The following NDFIP1 variants were observed in gnomAD, a reference collection of about 807,000 sequenced individuals.
NDFIP1 encodes the protein Nedd4 family interacting protein 1, also known as NEDD4 family-interacting protein 1.
Under a neutral mutation model 28.8 loss-of-function variants are expected in NDFIP1, and 7 were observed. That is an observed-to-expected ratio of 0.24 (90% CI 0.14 to 0.46). The LOEUF (loss-of-function observed/expected upper bound fraction) is 0.46, where lower values mean the gene tolerates loss of function less well. Among genes scored for constraint, NDFIP1 ranks in the 20% least tolerant of loss-of-function variants. The pLI is 0.99. For missense variants in NDFIP1, 194 were observed against 269.1 expected (o/e 0.72, Z 1.95); for synonymous variants, 92 against 101.0 (o/e 0.91, Z 0.53).
At chr5:142,132,014 G>A in intron 2 of NDFIP1, 119 bp downstream of exon 2, 1 of 1,141,948 alleles carries the variant, frequency 8.8e-7, no homozygotes. Flanking sequence ...AGCAAGTCTG[G>A]ATTTTAAATA....
intron 1 of NDFIP1, among the ~76,000 whole-genome samples, chr5:142,111,053 A>G (rs1489350821): frequency 6.6e-6 from 1 of 152,016 alleles, no homozygotes; most frequent in Non-Finnish European, 1.5e-5. Context: ...AGATATATAC[A>G]CATGCATATG....
intron 1 of NDFIP1, among the ~76,000 whole-genome samples, chr5:142,119,074 A>G (rs998730185): frequency 6.6e-6 from 1 of 152,214 alleles, no homozygotes; most frequent in African/African-American, 2.4e-5. Context: ...ATGTCTGTAT[A>G]TTAACCTGTG....
Position 142,137,933 on chromosome 5 carries a change from A to G in NDFIP1, c.495+75A>G, listed in dbSNP as rs188774176. The G allele has an allele frequency of 4.2e-4, 634 of 1,501,794 alleles. 1 individual carries two copies. Among genetic ancestry groups the G allele is most frequent in the Non-Finnish European group, 4.3e-4 (477 of 1,118,292 alleles). 93.0% of individuals were successfully genotyped at this position (1,501,794 alleles called of 1,614,324 possible). A position where few individuals can be genotyped will look rare whatever the true frequency, so the allele number is the denominator to read the frequency against. On this transcript the variant is annotated intron_variant, in intron 5 of 7. Transcript: ENST00000253814. Reference sequence around the variant, plus strand: ...AATATTTTTGAATATTCGATTTTTCATTTGCTTTTTTAAAAGTTATTTCAG... The same window carrying G: ...AATATTTTTGAATATTCGATTTTTCGTTTGCTTTTTTAAAAGTTATTTCAG...
At chr5:142,142,264 A>G (rs1020913809) in intron 6 of NDFIP1, among the ~76,000 whole-genome samples, 1 of 152,186 alleles carries the variant, frequency 6.6e-6, no homozygotes, top group African/African-American at 2.4e-5. Flanking sequence ...CAACAGCATC[A>G]TGTACTCTAT....
intron 7 of NDFIP1, among the ~76,000 whole-genome samples, chr5:142,151,252 G>A (rs983703763): frequency 3.9e-5 from 6 of 152,174 alleles, no homozygotes; most frequent in African/African-American, 1.2e-4. Context: ...TGCCATGCTC[G>A]GTTGAGGTAT....
At chr5:142,125,181 G>C (rs1757158823) in intron 1 of NDFIP1, among the ~76,000 whole-genome samples, 1 of 152,010 alleles carries the variant, frequency 6.6e-6, no homozygotes, top group East Asian at 1.9e-4. Flanking sequence ...TTTTTTCTGG[G>C]TGAATAATAT....
At chr5:142,135,432 A>G (rs371906293) in intron 3 of NDFIP1, among the ~76,000 whole-genome samples, 12 of 152,296 alleles carry the variant, frequency 7.9e-5, no homozygotes, top group African/African-American at 2.6e-4. Flanking sequence ...TTTGTGAACT[A>G]TTCTTGAAGT....
At chr5:142,126,253 G>A (rs577902421) in intron 1 of NDFIP1, among the ~76,000 whole-genome samples, 17 of 152,280 alleles carry the variant, frequency 1.1e-4, no homozygotes, top group African/African-American at 3.6e-4. Context: ...GAAGTAGTGG[G>A]TTGGTAATGA....
intron 6 of NDFIP1, chr5:142,143,338 C>T (rs1293883107): frequency 6.6e-6 from 1 of 152,128 alleles, no homozygotes; most frequent in Non-Finnish European, 1.5e-5. Flanking sequence ...CCTTCCAGTT[C>T]AGTAAGATCC....
chr5:142,116,682 TTTCTC>T (rs1383673059), intron 1 of NDFIP1, among the ~76,000 whole-genome samples: 1 of 151,924 alleles, frequency 6.6e-6, no homozygotes, highest in Non-Finnish European at 1.5e-5. Context: ...GTATTTTTCT[TTTCTC>T]TTCTCTCCTC....
intron 3 of NDFIP1, among the ~76,000 whole-genome samples, chr5:142,134,539 T>A (rs1412791204): frequency 6.6e-6 from 1 of 152,212 alleles, no homozygotes; most frequent in Non-Finnish European, 1.5e-5. Context: ...CTTTCTCTAG[T>A]TCCCACTCCC....
chr5:142,117,258 T>G (rs1757077963), intron 1 of NDFIP1, among the ~76,000 whole-genome samples: 1 of 151,452 alleles, frequency 6.6e-6, no homozygotes. Flanking sequence ...TTTTTTTTTT[T>G]TTTTGAGACG....
chr5:142,122,617 G>T (rs185482212), intron 1 of NDFIP1, among the ~76,000 whole-genome samples: 48 of 152,270 alleles, frequency 3.2e-4, no homozygotes, highest in African/African-American at 1.0e-3. Flanking sequence ...CAGTAGTGTA[G>T]TGCGAGAATT....
chr5:142,146,306 G>A (rs1308150188), intron 7 of NDFIP1, among the ~76,000 whole-genome samples: 1 of 152,254 alleles, frequency 6.6e-6, no homozygotes, highest in African/African-American at 2.4e-5. Flanking sequence ...TCTGGACACA[G>A]ATGGATATTC....
intron 1 of NDFIP1, among the ~76,000 whole-genome samples, chr5:142,129,911 C>CAAAAAAAA (rs749420090): frequency 3.2e-5 from 2 of 62,642 alleles, no homozygotes; most frequent in African/African-American, 5.1e-5. Flanking sequence ...AACTACATCT[C>CAAAAAAAA]AAAAAAAAAA....
intron 1 of NDFIP1, among the ~76,000 whole-genome samples, chr5:142,129,276 C>T (rs957764127): frequency 6.6e-6 from 1 of 152,162 alleles, no homozygotes; most frequent in Non-Finnish European, 1.5e-5. Context: ...TTGCCAAGAG[C>T]TTCAAATAAT....
intron 3 of NDFIP1, among the ~76,000 whole-genome samples, chr5:142,133,673 G>A (rs1757247397): frequency 6.6e-6 from 1 of 152,202 alleles, no homozygotes; most frequent in Non-Finnish European, 1.5e-5. Context: ...TTTGATACAA[G>A]TACATATTTA....
chr5:142,110,888 T>C (rs1477687030), intron 1 of NDFIP1, among the ~76,000 whole-genome samples: 7 of 151,922 alleles, frequency 4.6e-5, no homozygotes, highest in Non-Finnish European at 1.0e-4. Context: ...ACCAAACCCT[T>C]ATGAACCAGG....
At chr5:142,118,994 A>T (rs983321283) in intron 1 of NDFIP1, among the ~76,000 whole-genome samples, 3 of 152,070 alleles carry the variant, frequency 2.0e-5, no homozygotes, top group Non-Finnish European at 4.4e-5. Context: ...ACAAACCAAG[A>T]TCTGTGCTCC....
Sources: allele counts gnomAD v4.1 joint callset (sites outside exome capture counted in the v4.1 genomes callset), GRCh38; gene constraint gnomAD v4.1.1; transcripts MANE v1.5; gene names NCBI Gene and HGNC (gene_info 2026-07-23, HGNC 2026-07-21).